The following INPP4B variants were observed in gnomAD, a reference collection of about 807,000 sequenced individuals.
INPP4B encodes inositol polyphosphate-4-phosphatase type II B.
Under a neutral mutation model 122.5 loss-of-function variants are expected in INPP4B, and 55 were observed. That is an observed-to-expected ratio of 0.45 (90% CI 0.36 to 0.56). The LOEUF (loss-of-function observed/expected upper bound fraction) is 0.56, where lower values mean the gene tolerates loss of function less well. Among genes scored for constraint, INPP4B ranks in the 20% least tolerant of loss-of-function variants. The pLI is 0.00. For synonymous variants in INPP4B, 403 were observed against 388.7 expected (o/e 1.04, Z -0.43); for missense variants, 1,000 against 1,097.7 (o/e 0.91, Z 1.26).
chr4:142,673,429 A>AG (rs1560946822), intron 2 of INPP4B, among the ~76,000 whole-genome samples: 1 of 151,978 alleles, frequency 6.6e-6, no homozygotes, highest in African/African-American at 2.4e-5. Context: ...AAAAAAAAAA[A>AG]AGTCACACTT....
chr4:142,798,041 A>G (rs184700691), intron 1 of INPP4B, among the ~76,000 whole-genome samples: 2,811 of 151,918 alleles, frequency 0.019, 77 homozygotes, highest in African/African-American at 0.063. Context: ...AAAACACTGG[A>G]GCATCAATAG....
At chr4:142,808,095 T>G (rs1406760017) in intron 1 of INPP4B, among the ~76,000 whole-genome samples, 1 of 140,710 alleles carries the variant, frequency 7.1e-6, no homozygotes, top group Non-Finnish European at 1.5e-5. Flanking sequence ...TTGACCTTCA[T>G]GATAAAATAC....
At chr4:142,441,064 G>A (rs944748037) in intron 3 of INPP4B, among the ~76,000 whole-genome samples, 3 of 152,106 alleles carry the variant, frequency 2.0e-5, no homozygotes, top group Admixed American at 6.5e-5. Flanking sequence ...GGCCAGGCTA[G>A]AGAGAATAAG....
At chr4:142,081,783 C>T (rs948777071) in intron 25 of INPP4B, among the ~76,000 whole-genome samples, 3 of 151,584 alleles carry the variant, frequency 2.0e-5, no homozygotes, top group African/African-American at 7.3e-5. Flanking sequence ...GTGTACACAG[C>T]CACGTTTTCT....
intron 11 of INPP4B, among the ~76,000 whole-genome samples, chr4:142,256,863 G>T (rs1352330117): frequency 2.0e-5 from 3 of 152,124 alleles, no homozygotes; most frequent in Non-Finnish European, 4.4e-5. Context: ...TATGAGGCCA[G>T]CATCATCCTG....
At chr4:142,787,768 A>G (rs12504681) in intron 1 of INPP4B, among the ~76,000 whole-genome samples, 13,902 of 152,108 alleles carry the variant, frequency 0.091, 805 homozygotes, top group African/African-American at 0.16. Flanking sequence ...AAAATCTACT[A>G]TCAAAATGGA....
intron 10 of INPP4B, 68 bp downstream of exon 10, chr4:142,270,595 G>A: frequency 9.5e-7 from 1 of 1,057,364 alleles, no homozygotes; most frequent in East Asian, 2.4e-5. Flanking sequence ...AGATGTTGGT[G>A]AGACAGACAT....
Position 142,431,311 on chromosome 4 carries a change from G to A in INPP4B, c.-52C>T. 7.7e-7 allele frequency: 1 copy of A among 1,293,374 alleles called. No homozygotes were observed. Among genetic ancestry groups the A allele is most frequent in the Non-Finnish European group, 1.1e-6 (1 of 891,210 alleles). The allele number at this position is 1,293,374 out of a possible 1,614,324, so 80.1% of individuals were successfully genotyped here. A position where few individuals can be genotyped will look rare whatever the true frequency, so the allele number is the denominator to read the frequency against. On this transcript the variant is annotated 5_prime_UTR_variant, in exon 4 of 26. Coordinates refer to ENST00000262992, the MANE Select transcript of INPP4B (RefSeq NM_001101669.3). Reference sequence around the variant, plus strand: ...TCCAAATTTTCTTGTCCAAATGTCAGTTCTAGTGATTCCTGGTTTAATGTA... The same window carrying A: ...TCCAAATTTTCTTGTCCAAATGTCAATTCTAGTGATTCCTGGTTTAATGTA...
chr4:142,392,807 C>T (rs552321153), intron 7 of INPP4B, among the ~76,000 whole-genome samples: 8 of 152,252 alleles, frequency 5.3e-5, no homozygotes, highest in Admixed American at 2.6e-4. Context: ...TTATGACCTA[C>T]GGAGAAAACA....
At chr4:142,055,976 T>A (rs555061050) in intron 25 of INPP4B, among the ~76,000 whole-genome samples, 2 of 152,036 alleles carry the variant, frequency 1.3e-5, no homozygotes, top group East Asian at 3.9e-4. Context: ...GATGGTCACA[T>A]CTGGGGGTGA....
chr4:142,648,619 G>A (rs543836370), intron 2 of INPP4B, among the ~76,000 whole-genome samples: 28 of 152,316 alleles, frequency 1.8e-4, no homozygotes, highest in African/African-American at 6.7e-4. Context: ...GTTGGGGGAG[G>A]GGTGTCCGCA....
intron 1 of INPP4B, among the ~76,000 whole-genome samples, chr4:142,789,933 T>C (rs1016378908): frequency 1.3e-5 from 2 of 151,848 alleles, no homozygotes; most frequent in African/African-American, 4.8e-5. Flanking sequence ...ATAACCAAAT[T>C]ACTTACAGCC....
At chr4:142,213,028 T>C (rs1845560204) in intron 12 of INPP4B, among the ~76,000 whole-genome samples, 1 of 152,198 alleles carries the variant, frequency 6.6e-6, no homozygotes. Flanking sequence ...TGAAACACAT[T>C]ATGACTATAA....
chr4:142,391,586 CAAAACAAACA>C (rs1276067132), intron 7 of INPP4B, among the ~76,000 whole-genome samples: 1 of 151,838 alleles, frequency 6.6e-6, no homozygotes, highest in Non-Finnish European at 1.5e-5. Context: ...ACAAAACAAA[CAAAACAAACA>C]AAAACAAACA....
At chr4:142,427,495 G>A in intron 5 of INPP4B, 1 of 665,734 alleles carries the variant, frequency 1.5e-6, no homozygotes, top group Non-Finnish European at 2.7e-6. Context: ...TATAAGTGAT[G>A]ATGGTGTTGT....
chr4:142,495,888 TA>T (rs1305415268), intron 2 of INPP4B, among the ~76,000 whole-genome samples: 6 of 152,154 alleles, frequency 3.9e-5, no homozygotes, highest in Admixed American at 2.0e-4. Context: ...ATGCTTTGCT[TA>T]GGTGAATACC....
intron 15 of INPP4B, among the ~76,000 whole-genome samples, chr4:142,188,494 AAAAAAAAAAAAAAAAAG>A (rs1475676358): frequency 2.0e-5 from 2 of 99,498 alleles, no homozygotes; most frequent in African/African-American, 1.1e-4. Context: ...CTCAAAAAAA[AAAAAAAAAAAAAAAAAG>A]AAAAAAAATA....
intron 7 of INPP4B, among the ~76,000 whole-genome samples, chr4:142,375,923 A>G (rs1216610631): frequency 1.3e-5 from 2 of 151,966 alleles, no homozygotes; most frequent in East Asian, 1.9e-4. Flanking sequence ...TTAAGCTACT[A>G]TTAGACAGAC....
chr4:142,299,585 T>C (rs563177271), intron 9 of INPP4B, among the ~76,000 whole-genome samples: 3 of 151,820 alleles, frequency 2.0e-5, no homozygotes, highest in Non-Finnish European at 4.4e-5. Context: ...CCTTTTCCTC[T>C]AATTTTTCCA....
Sources: gnomAD v4.1 joint callset for allele counts (sites outside exome capture counted in the v4.1 genomes callset) on GRCh38, gnomAD v4.1.1 for gene constraint, MANE v1.5 for transcripts, NCBI Gene and HGNC (gene_info 2026-07-23, HGNC 2026-07-21) for gene names.